Variants in ROBO1 observed in about 807,000 individuals in gnomAD.
ROBO1 encodes the protein roundabout homolog 1.
ROBO1 carries 149 observed loss-of-function variants against 195.9 expected under a neutral mutation model. The ratio of observed to expected loss-of-function variants is 0.76; its 90% confidence interval spans 0.67 to 0.87. ROBO1 has a LOEUF of 0.87. Ranked by LOEUF, ROBO1 falls within the 40% of genes least tolerant of loss-of-function variation. The pLI, the probability that ROBO1 is intolerant of heterozygous loss-of-function variation, is 0.00. For missense variants in ROBO1, 1,933 were observed against 2,068.3 expected (o/e 0.93, Z 1.27); for synonymous variants, 816 against 733.2 (o/e 1.11, Z -1.82).
At chr3:79,098,843 G>A (rs115973323) in intron 3 of ROBO1, among the ~76,000 whole-genome samples, 72 of 151,364 alleles carry the variant, frequency 4.8e-4, no homozygotes, top group Non-Finnish European at 1.0e-3. Context: ...TGTCACTGTC[G>A]AAGATGGCCG....
chr3:78,610,114 C>T (rs958348165), intron 28 of ROBO1, among the ~76,000 whole-genome samples: 2 of 152,114 alleles, frequency 1.3e-5, no homozygotes, highest in African/African-American at 2.4e-5. Flanking sequence ...ATAGACTCAA[C>T]AGTTTAGCCA....
In ROBO1 at chr3:78,606,855, A is replaced by G. The variant is rs1703489586; in HGVS notation, c.4622T>C (p.Val1541Ala). The G allele has an allele frequency of 6.2e-7, 1 of 1,613,754 alleles. No individual in the cohort carries two copies. Among genetic ancestry groups the G allele is most frequent in the South Asian group, 1.1e-5 (1 of 91,074 alleles). The change falls in exon 29 of 31, where the codon GTT (valine) becomes GCT (alanine). Residue 1541 changes from valine to alanine, a missense_variant. Val to Ala is a moderately conservative substitution (Grantham distance 64). Transcript: ENST00000464233. ...GREVLDGRQVVDMRTNPGDPR... is the reference protein window; with the variant it reads ...GREVLDGRQVADMRTNPGDPR... ...ATCACCTGGATTTGTTCGCATGTCAACAACCTGTCTTCCATCCAACACTTC... is the reference window on the plus strand; with the variant it reads ...ATCACCTGGATTTGTTCGCATGTCAGCAACCTGTCTTCCATCCAACACTTC...
chr3:79,465,101 G>A (rs552734877), intron 2 of ROBO1, among the ~76,000 whole-genome samples: 6 of 152,102 alleles, frequency 3.9e-5, no homozygotes, highest in Non-Finnish European at 7.4e-5. Context: ...AATTCAGGCT[G>A]GACCAACTGC....
intron 3 of ROBO1, among the ~76,000 whole-genome samples, chr3:79,086,112 GT>G (rs35422051): frequency 0.026 from 3,780 of 142,650 alleles, 86 homozygotes; most frequent in Non-Finnish European, 0.034. Flanking sequence ...AACAAATGGA[GT>G]TTTTTTTTTT....
At chr3:78,668,102 A>T (rs768442269) in intron 13 of ROBO1, 32 bp downstream of exon 13, 2 of 1,610,982 alleles carry the variant, frequency 1.2e-6, no homozygotes, top group Admixed American at 3.4e-5. Flanking sequence ...GAATCAAAAA[A>T]GAACAACTAG....
At chr3:79,221,127 C>G (rs1427696519) in intron 2 of ROBO1, among the ~76,000 whole-genome samples, 1 of 151,990 alleles carries the variant, frequency 6.6e-6, no homozygotes, top group Non-Finnish European at 1.5e-5. Flanking sequence ...CCAAAAGACA[C>G]CCAATCATAG....
chr3:79,165,380 C>A (rs899457182), intron 2 of ROBO1, among the ~76,000 whole-genome samples: 5 of 152,190 alleles, frequency 3.3e-5, no homozygotes, highest in Non-Finnish European at 7.3e-5. Context: ...AGGTTGAGTT[C>A]TTTCAGCATT....
intron 3 of ROBO1, among the ~76,000 whole-genome samples, chr3:78,941,052 T>C (rs1479590028): frequency 6.6e-6 from 1 of 152,274 alleles, no homozygotes; most frequent in Non-Finnish European, 1.5e-5. Flanking sequence ...GGCTTATTTG[T>C]ATCTAATTTG....
chr3:79,064,009 A>G (rs2078964825), intron 3 of ROBO1, among the ~76,000 whole-genome samples: 1 of 151,834 alleles, frequency 6.6e-6, no homozygotes, highest in Admixed American at 6.6e-5. Flanking sequence ...GGAAGAGAAA[A>G]TTCTGGTGTC....
intron 2 of ROBO1, among the ~76,000 whole-genome samples, chr3:79,226,676 G>A (rs1020337306): frequency 3.3e-5 from 5 of 151,416 alleles, no homozygotes; most frequent in Admixed American, 1.3e-4. Flanking sequence ...GTGTATTTGC[G>A]GCCACAACAT....
chr3:79,260,259 ATAT>A (rs904297686), intron 2 of ROBO1, among the ~76,000 whole-genome samples: 4 of 151,520 alleles, frequency 2.6e-5, no homozygotes, highest in African/African-American at 9.7e-5. Context: ...CATAAATATC[ATAT>A]TATTTAAAAT....
At position 78,944,278 on chromosome 3, in the gene ROBO1, C is replaced by G. The variant is rs760553220; in HGVS notation, c.173-5351G>C. On this transcript the variant is annotated intron_variant, in intron 3 of 30. Coordinates refer to ENST00000464233, the MANE Select transcript of ROBO1 (RefSeq NM_002941.4). ...CATAGAGAAACATGCTTTGTTCACA[C>G]TTGCTTCCAACACTGGAGGTGTTCA... 4.6e-5 allele frequency among the ~76,000 whole-genome samples: 7 copies of G among 152,358 alleles called. No homozygotes were observed. The South Asian group carries it at 1.4e-3, about 32-fold the overall frequency.
At chr3:79,026,127 G>T (rs960991116) in intron 3 of ROBO1, among the ~76,000 whole-genome samples, 1 of 151,996 alleles carries the variant, frequency 6.6e-6, no homozygotes, top group Non-Finnish European at 1.5e-5. Flanking sequence ...TGCTGTTTTT[G>T]TTGTAGCTCC....
At chr3:79,760,886 T>C (rs939008644) in intron 1 of ROBO1, among the ~76,000 whole-genome samples, 1 of 151,598 alleles carries the variant, frequency 6.6e-6, no homozygotes, top group South Asian at 2.1e-4. Flanking sequence ...AGAAACACAT[T>C]ACACGTCATC....
At chr3:79,513,321 T>C in intron 2 of ROBO1, among the ~76,000 whole-genome samples, 1 of 152,158 alleles carries the variant, frequency 6.6e-6, no homozygotes, top group Non-Finnish European at 1.5e-5. Context: ...TCTATATATC[T>C]ATAAATAGAA....
chr3:79,584,149 A>G (rs1460295420), intron 2 of ROBO1, among the ~76,000 whole-genome samples: 1 of 151,740 alleles, frequency 6.6e-6, no homozygotes, highest in Non-Finnish European at 1.5e-5. Flanking sequence ...AAGAATGGAT[A>G]GATAGAGTCT....
intron 2 of ROBO1, among the ~76,000 whole-genome samples, chr3:79,466,620 T>C (rs1575864802): frequency 6.6e-6 from 1 of 152,062 alleles, no homozygotes; most frequent in African/African-American, 2.4e-5. Flanking sequence ...ATCTTAGAGG[T>C]TTTTTTCAAT....
chr3:79,043,847 G>T (rs1215627867), intron 3 of ROBO1, among the ~76,000 whole-genome samples: 4 of 152,096 alleles, frequency 2.6e-5, no homozygotes, highest in Non-Finnish European at 5.9e-5. Flanking sequence ...TGCTCTCTAT[G>T]TCTAATGGAA....
intron 2 of ROBO1, among the ~76,000 whole-genome samples, chr3:79,302,266 T>C: frequency 6.6e-6 from 1 of 152,200 alleles, no homozygotes; most frequent in Non-Finnish European, 1.5e-5. Flanking sequence ...GTTCCTTAAG[T>C]CAAAGTAACG....
Sources: gnomAD v4.1 joint callset for allele counts (sites outside exome capture counted in the v4.1 genomes callset) on GRCh38, gnomAD v4.1.1 for gene constraint, MANE v1.5 for transcripts, NCBI Gene and HGNC (gene_info 2026-07-23, HGNC 2026-07-21) for gene names.